SDK1: variants seen among roughly 807,000 people sequenced by gnomAD.
SDK1 encodes the protein protein sidekick-1.
In SDK1, 157 loss-of-function variants were observed where a neutral mutation model predicts 245.5. That is an observed-to-expected ratio of 0.64 (90% CI 0.56 to 0.73). The LOEUF (loss-of-function observed/expected upper bound fraction) is 0.73, where lower values mean the gene tolerates loss of function less well. SDK1 is among the 30% of genes least tolerant of loss of function. The probability of loss-of-function intolerance (pLI) is 0.00; values close to 1 mark genes in which losing one functional copy is unlikely to be tolerated. For synonymous variants in SDK1, 1,647 were observed against 1,278.5 expected (o/e 1.29, Z -6.15); for missense variants, 3,583 against 3,002.3 (o/e 1.19, Z -4.52).
At chr7:3,610,565 A>G (rs994534059) in intron 1 of SDK1, among the ~76,000 whole-genome samples, 1 of 152,248 alleles carries the variant, frequency 6.6e-6, no homozygotes, top group Non-Finnish European at 1.5e-5. Context: ...ATTAATTTAT[A>G]TACTGAAATA....
At chr7:3,876,776 A>T (rs1781087755) in intron 5 of SDK1, among the ~76,000 whole-genome samples, 1 of 152,152 alleles carries the variant, frequency 6.6e-6, no homozygotes, top group South Asian at 2.1e-4. Flanking sequence ...CTTCCATGTG[A>T]AGTCTCTAGA....
chr7:3,746,739 T>C (rs951769331), intron 4 of SDK1, among the ~76,000 whole-genome samples: 1 of 152,250 alleles, frequency 6.6e-6, no homozygotes, highest in Middle Eastern at 3.2e-3. Context: ...CTGCTAATTC[T>C]AGTTCTCTTG....
rs1788404152 is a variant in SDK1 at position 4,038,920 on chromosome 7, G to A, written c.2603-10428G>A. ...TTTCATTAAATACGACATTGAGACAGAAGAAGACAGGATTATTGGAAAATG... is the reference window on the plus strand; with the variant it reads ...TTTCATTAAATACGACATTGAGACAAAAGAAGACAGGATTATTGGAAAATG... On this transcript the variant is annotated intron_variant, in intron 17 of 44. Coordinates refer to ENST00000404826, the MANE Select transcript of SDK1 (RefSeq NM_152744.4). 6.6e-5 allele frequency among the ~76,000 whole-genome samples: 10 copies of A among 152,158 alleles called. 2 individuals are homozygous for A. In the South Asian group the frequency reaches 2.1e-3, roughly 32 times the overall value.
intron 4 of SDK1, among the ~76,000 whole-genome samples, chr7:3,819,764 T>C (rs931648065): frequency 6.6e-6 from 1 of 152,258 alleles, no homozygotes; most frequent in Non-Finnish European, 1.5e-5. Flanking sequence ...TAATATATCC[T>C]ATGGGAACCC....
intron 35 of SDK1, among the ~76,000 whole-genome samples, chr7:4,186,083 T>A (rs1782880473): frequency 6.6e-6 from 1 of 152,230 alleles, no homozygotes; most frequent in African/African-American, 2.4e-5. Flanking sequence ...CCAGGAGCTC[T>A]AAAACAGTTA....
intron 1 of SDK1, among the ~76,000 whole-genome samples, chr7:3,327,942 T>G (rs1339634149): frequency 3.3e-5 from 5 of 152,116 alleles, no homozygotes; most frequent in South Asian, 4.1e-4. Context: ...TGCGGTGTAT[T>G]TTGATACCCT....
At chr7:3,340,205 G>A (rs774038226) in intron 1 of SDK1, among the ~76,000 whole-genome samples, 1 of 151,914 alleles carries the variant, frequency 6.6e-6, no homozygotes, top group African/African-American at 2.4e-5. Context: ...ATACCTCAGA[G>A]ATGTGGCGGA....
At chr7:3,590,338 G>A (rs1375305559) in intron 1 of SDK1, among the ~76,000 whole-genome samples, 1 of 115,916 alleles carries the variant, frequency 8.6e-6, no homozygotes, top group East Asian at 2.9e-4. Flanking sequence ...AAGTGTGAAT[G>A]AATAATACTA....
intron 1 of SDK1, among the ~76,000 whole-genome samples, chr7:3,614,379 A>G (rs908741877): frequency 6.6e-6 from 1 of 152,208 alleles, no homozygotes; most frequent in Non-Finnish European, 1.5e-5. Context: ...TTTCCTGAGG[A>G]AGGGAATGTC....
intron 1 of SDK1, among the ~76,000 whole-genome samples, chr7:3,609,948 A>G (rs113783683): frequency 0.016 from 2,425 of 151,894 alleles, 34 homozygotes; most frequent in Non-Finnish European, 0.023. Context: ...TGATCCGCCC[A>G]CCTCAGCCTC....
chr7:3,899,643 C>G (rs1304379000), intron 5 of SDK1, among the ~76,000 whole-genome samples: 2 of 152,228 alleles, frequency 1.3e-5, no homozygotes, highest in Non-Finnish European at 2.9e-5. Context: ...CCTGCTCAGC[C>G]AGGTCCAAGC....
intron 1 of SDK1, among the ~76,000 whole-genome samples, chr7:3,350,492 G>A (rs570921928): frequency 6.6e-6 from 1 of 152,286 alleles, no homozygotes; most frequent in Non-Finnish European, 1.5e-5. Flanking sequence ...TCAGTATTCA[G>A]TCTTCTTGGT....
At chr7:3,738,372 T>C (rs1779380151) in intron 4 of SDK1, among the ~76,000 whole-genome samples, 1 of 152,220 alleles carries the variant, frequency 6.6e-6, no homozygotes, top group African/African-American at 2.4e-5. Context: ...CAGGGTTTAT[T>C]TCTGGGCTTT....
chr7:3,925,684 G>C (rs1213996229), intron 5 of SDK1, among the ~76,000 whole-genome samples: 1 of 152,210 alleles, frequency 6.6e-6, no homozygotes, highest in Non-Finnish European at 1.5e-5. Flanking sequence ...TTCAGCTGAA[G>C]AAATGCTAAA....
At chr7:3,467,001 C>CAG (rs1781025883) in intron 1 of SDK1, among the ~76,000 whole-genome samples, 1 of 144,280 alleles carries the variant, frequency 6.9e-6, no homozygotes, top group East Asian at 1.9e-4. Flanking sequence ...CACACACACA[C>CAG]ACACACACAC....
Position 3,593,136 on chromosome 7 carries a change from G to C in SDK1, c.299-25944G>C, listed in dbSNP as rs116873787. Among the ~76,000 whole-genome samples the C allele has an allele frequency of 8.2e-3, 1,247 of 152,320 alleles. 15 individuals carry two copies. Among genetic ancestry groups the C allele is most frequent in the Non-Finnish European group, 0.012 (848 of 68,024 alleles). ...GTATCTGCAGTAAGCTAGTGTGTTAGGTACTATTTGAAGGAGTCTTACTCA... is the reference window on the plus strand; with the variant it reads ...GTATCTGCAGTAAGCTAGTGTGTTACGTACTATTTGAAGGAGTCTTACTCA... On this transcript the variant is annotated intron_variant, in intron 1 of 44. Transcript: ENST00000404826.
intron 25 of SDK1, among the ~76,000 whole-genome samples, chr7:4,117,740 C>T (rs572354527): frequency 1.1e-4 from 17 of 152,208 alleles, no homozygotes; most frequent in African/African-American, 3.6e-4. Flanking sequence ...CAGGTGCCAC[C>T]GGGAACTGTA....
At chr7:3,881,563 T>A (rs1284123433) in intron 5 of SDK1, among the ~76,000 whole-genome samples, 1 of 152,236 alleles carries the variant, frequency 6.6e-6, no homozygotes, top group Non-Finnish European at 1.5e-5. Flanking sequence ...GCAATGAACA[T>A]ATGCATATGC....
chr7:3,597,684 G>A (rs1023965785), intron 1 of SDK1, among the ~76,000 whole-genome samples: 4 of 152,124 alleles, frequency 2.6e-5, no homozygotes, highest in African/African-American at 7.2e-5. Flanking sequence ...CTGGTCTGTC[G>A]GGGCCTAGGG....
Sources: gnomAD v4.1 joint callset for allele counts (sites outside exome capture counted in the v4.1 genomes callset) on GRCh38, gnomAD v4.1.1 for gene constraint, MANE v1.5 for transcripts, NCBI Gene and HGNC (gene_info 2026-07-23, HGNC 2026-07-21) for gene names.